The following PRTG variants were observed in gnomAD, a reference collection of about 807,000 sequenced individuals.
PRTG encodes immunoglobulin superfamily, DCC subclass, member 5.
Under a neutral mutation model 122.5 loss-of-function variants are expected in PRTG, and 67 were observed. The observed-to-expected ratio is 0.55, with a 90% CI of 0.45 to 0.67. The LOEUF is 0.67. Ranked by LOEUF, PRTG falls within the 30% of genes least tolerant of loss-of-function variation. The pLI is 0.00. For synonymous variants in PRTG, 554 were observed against 501.1 expected (o/e 1.11, Z -1.41); for missense variants, 1,435 against 1,415.4 (o/e 1.01, Z -0.22).
chr15:55,665,292 C>G (rs1015131437), intron 11 of PRTG, among the ~76,000 whole-genome samples: 2 of 151,588 alleles, frequency 1.3e-5, no homozygotes, highest in Non-Finnish European at 2.9e-5. Context: ...AAGGCATAAA[C>G]CTAATGTCAA....
At chr15:55,695,955 T>C (rs1456843861) in intron 2 of PRTG, among the ~76,000 whole-genome samples, 5 of 151,206 alleles carry the variant, frequency 3.3e-5, no homozygotes, top group Non-Finnish European at 5.9e-5. Context: ...TTGGTGACAG[T>C]GTGAGACCCC....
At chr15:55,711,170 C>T (rs1440978826) in intron 2 of PRTG, among the ~76,000 whole-genome samples, 1 of 114,558 alleles carries the variant, frequency 8.7e-6, no homozygotes. Flanking sequence ...GATCCACCTG[C>T]TTTGGCCTCC....
At chr15:55,646,291 C>T (rs929487898) in intron 11 of PRTG, among the ~76,000 whole-genome samples, 13 of 150,060 alleles carry the variant, frequency 8.7e-5, no homozygotes, top group Admixed American at 2.0e-4. Flanking sequence ...GGATTACAGG[C>T]ATGAGCCACT....
chr15:55,741,431 C>CT (rs1332157372), intron 1 of PRTG, among the ~76,000 whole-genome samples: 1 of 152,214 alleles, frequency 6.6e-6, no homozygotes, highest in African/African-American at 2.4e-5. Flanking sequence ...TCCTTACTGT[C>CT]TAATAGGGAT....
rs752129133 is a variant in PRTG at position 55,620,270 on chromosome 15, G to A, written c.3199-4C>T. 5.6e-6 allele frequency: 9 copies of A among 1,609,054 alleles called. No homozygotes were observed. The East Asian group carries it at 1.8e-4, about 32-fold the overall frequency. ...CTGGAGTAAATCTTCTTTGAGGCTA[G>A]GCAAAAAAAGATAAGATGGCAATGA... On this transcript the variant is annotated splice_region_variant and splice_polypyrimidine_tract_variant and intron_variant, in intron 19 of 19. Coordinates refer to ENST00000389286, the MANE Select transcript of PRTG (RefSeq NM_173814.6).
chr15:55,707,734 A>C (rs145974289), intron 2 of PRTG, among the ~76,000 whole-genome samples: 7 of 152,326 alleles, frequency 4.6e-5, no homozygotes, highest in African/African-American at 1.7e-4. Context: ...TAACTGATAG[A>C]ATCTGCTCTT....
chr15:55,671,798 GC>G (rs1270839091), intron 11 of PRTG, among the ~76,000 whole-genome samples: 1 of 152,138 alleles, frequency 6.6e-6, no homozygotes, highest in Non-Finnish European at 1.5e-5. Context: ...ACCACGCCTG[GC>G]CCATGTATTC....
intron 11 of PRTG, among the ~76,000 whole-genome samples, chr15:55,657,514 T>C (rs1188585576): frequency 2.6e-5 from 4 of 152,224 alleles, no homozygotes; most frequent in Non-Finnish European, 5.9e-5. Flanking sequence ...CCTTATTATA[T>C]TATCAAGCAT....
At position 55,618,486 on chromosome 15, in the gene PRTG, T is replaced by A. The variant is rs955878637; in HGVS notation, c.*1526A>T. ...TACACGCGTTTAGTTCTTTATCCTCTCCCACTGCTCGGCACCTAGGTAACT... is the reference window on the plus strand; with the variant it reads ...TACACGCGTTTAGTTCTTTATCCTCACCCACTGCTCGGCACCTAGGTAACT... On this transcript the variant is annotated 3_prime_UTR_variant, in exon 20 of 20. Transcript: ENST00000389286. The A allele has an allele frequency of 2.6e-5, 4 of 152,160 alleles. No individual in the cohort carries two copies. The highest frequency in any genetic ancestry group is 5.9e-5 in the Non-Finnish European group (4 of 68,032). The allele number at this position is 152,160 out of a possible 1,614,324, so 9.4% of individuals were successfully genotyped here.
intron 11 of PRTG, among the ~76,000 whole-genome samples, chr15:55,641,423 A>G (rs1463472313): frequency 6.6e-6 from 1 of 152,150 alleles, no homozygotes; most frequent in Non-Finnish European, 1.5e-5. Context: ...ACTTTACTTA[A>G]TCTAATTTCA....
chr15:55,742,953 G>A lies in PRTG; in HGVS notation c.-22C>T, dbSNP rs2031665645. The A allele has an allele frequency of 2.0e-6, 3 of 1,491,434 alleles. No individual in the cohort carries two copies. Among genetic ancestry groups the A allele is most frequent in the African/African-American group, 1.5e-5 (1 of 68,206 alleles). 92.4% of individuals were successfully genotyped at this position (1,491,434 alleles called of 1,614,324 possible). On this transcript the variant is annotated 5_prime_UTR_variant, in exon 1 of 20. Transcript: ENST00000389286. ...CCATTCAGCGTAGCCGCGCGGGCAT[G>A]CTCCCCGGCCGCCCAGAGCCCCTGT... is the stretch of plus-strand genomic sequence containing the variant.
Position 55,616,279 on chromosome 15 carries a change from T to G in PRTG, c.*3733A>C, listed in dbSNP as rs2059141413. 1 of 152,164 alleles carries G rather than the reference T, an allele frequency of 6.6e-6. No homozygotes were observed. Among genetic ancestry groups the G allele is most frequent in the Admixed American group, 6.6e-5 (1 of 15,264 alleles). The allele number at this position is 152,164 out of a possible 1,614,324, so 9.4% of individuals were successfully genotyped here. ...CAACTCTAAATTCCAATCTCACACC[T>G]TTAAAGAGCACATCTATCAAAGCAT... On this transcript the variant is annotated 3_prime_UTR_variant, in exon 20 of 20. Transcript: ENST00000389286.
chr15:55,622,218 T>A (rs78288936), intron 18 of PRTG, among the ~76,000 whole-genome samples: 7 of 137,820 alleles, frequency 5.1e-5, no homozygotes, highest in Non-Finnish European at 7.6e-5. Flanking sequence ...TAGTACTTGT[T>A]TTTTTTTTTT....
intron 11 of PRTG, among the ~76,000 whole-genome samples, chr15:55,662,300 T>C (rs1449863002): frequency 6.6e-6 from 1 of 152,208 alleles, no homozygotes; most frequent in African/African-American, 2.4e-5. Flanking sequence ...AGCACTGTTA[T>C]TTTAATATTG....
At chr15:55,735,569 C>A (rs927311147) in intron 2 of PRTG, among the ~76,000 whole-genome samples, 1 of 151,316 alleles carries the variant, frequency 6.6e-6, no homozygotes, top group African/African-American at 2.4e-5. Flanking sequence ...TTAGAATAAT[C>A]AGAGATAGTT....
intron 2 of PRTG, among the ~76,000 whole-genome samples, chr15:55,703,473 T>C (rs770635056): frequency 2.6e-5 from 4 of 152,058 alleles, no homozygotes; most frequent in African/African-American, 9.7e-5. Flanking sequence ...GACCAGATTA[T>C]GAAGAACACC....
At chr15:55,729,564 T>C (rs2031157005) in intron 2 of PRTG, among the ~76,000 whole-genome samples, 1 of 151,916 alleles carries the variant, frequency 6.6e-6, no homozygotes, top group African/African-American at 2.4e-5. Context: ...CAGACCAGCC[T>C]GGGCATAGCA....
chr15:55,680,450 T>A, intron 5 of PRTG, 41 bp downstream of exon 5: 3 of 1,537,242 alleles, frequency 2.0e-6, no homozygotes, highest in Non-Finnish European at 2.6e-6. Flanking sequence ...TGAACAAAAT[T>A]TAAGGAAAAG....
chr15:55,624,454 G>A lies in PRTG; in HGVS notation c.2981C>T (p.Thr994Ile). ...AQNGTQQLPR[T>I]SASLASGNEV... Reference sequence around the variant, plus strand: ...ATTTCCACTAGCTAAGGAGGCACTGGTACGAGGTAACTGTTGAGTTCCATT... The same window carrying A: ...ATTTCCACTAGCTAAGGAGGCACTGATACGAGGTAACTGTTGAGTTCCATT... The change falls in exon 18 of 20, where the codon ACC becomes ATC. Residue 994 changes from threonine (T) to isoleucine (I), a missense_variant. Coordinates refer to ENST00000389286, the MANE Select transcript of PRTG (RefSeq NM_173814.6). 1 of 1,613,886 alleles carries A rather than the reference G, an allele frequency of 6.2e-7. No homozygotes were observed. Among genetic ancestry groups the A allele is most frequent in the Non-Finnish European group, 8.5e-7 (1 of 1,179,870 alleles).
Sources: gnomAD v4.1 joint callset for allele counts (sites outside exome capture counted in the v4.1 genomes callset) on GRCh38, gnomAD v4.1.1 for gene constraint, MANE v1.5 for transcripts, NCBI Gene and HGNC (gene_info 2026-07-23, HGNC 2026-07-21) for gene names.